Variants in ESCO1 observed in about 807,000 individuals in gnomAD.
ESCO1 encodes N-acetyltransferase ESCO1.
ESCO1 carries 33 observed loss-of-function variants against 83.5 expected under a neutral mutation model. The ratio of observed to expected loss-of-function variants is 0.40; its 90% CI spans 0.30 to 0.53. The LOEUF (loss-of-function observed/expected upper bound fraction) is 0.53. Ranked by LOEUF, ESCO1 falls within the 20% of genes least tolerant of loss-of-function variation. The probability of loss-of-function intolerance (pLI) is 0.63; values close to 1 mark genes in which losing one functional copy is unlikely to be tolerated. For missense variants in ESCO1, 855 were observed against 968.0 expected, an observed-to-expected ratio of 0.88 and a Z score of 1.55; for synonymous variants, 332 against 324.3, an observed-to-expected ratio of 1.02 and a Z score of -0.25.
chr18:21,538,875 G>A (rs1354458464), intron 9 of ESCO1, among the ~76,000 whole-genome samples: 2 of 151,984 alleles, frequency 1.3e-5, no homozygotes, highest in African/African-American at 4.8e-5. Context: ...AACATACTGA[G>A]TATATTATTT....
intron 2 of ESCO1, among the ~76,000 whole-genome samples, chr18:21,581,765 TA>T (rs1403872494): frequency 6.6e-6 from 1 of 152,064 alleles, no homozygotes; most frequent in African/African-American, 2.4e-5. Flanking sequence ...ACACCTGTAA[TA>T]ACAGCTACTT....
intron 8 of ESCO1, among the ~76,000 whole-genome samples, chr18:21,545,261 T>A (rs1814262272): frequency 6.6e-6 from 1 of 152,128 alleles, no homozygotes; most frequent in African/African-American, 2.4e-5. Flanking sequence ...ATGTTATAAG[T>A]CAGTAAAAAT....
At chr18:21,597,893 A>G (rs1047921896) in intron 1 of ESCO1, among the ~76,000 whole-genome samples, 4 of 152,178 alleles carry the variant, frequency 2.6e-5, no homozygotes, top group Admixed American at 6.6e-5. Context: ...ACAAGACATG[A>G]TGGCTGGGTT....
chr18:21,545,965 G>A (rs1292655546), intron 8 of ESCO1, among the ~76,000 whole-genome samples: 1 of 152,082 alleles, frequency 6.6e-6, no homozygotes, highest in African/African-American at 2.4e-5. Context: ...GTAAAGATGT[G>A]TGTCTAATCC....
intron 2 of ESCO1, among the ~76,000 whole-genome samples, chr18:21,576,862 G>T (rs998998379): frequency 2.0e-5 from 3 of 151,780 alleles, no homozygotes; most frequent in African/African-American, 7.3e-5. Flanking sequence ...ATGAAACCCC[G>T]TCTCTACTAA....
chr18:21,563,919 TA>T (rs11453582), intron 7 of ESCO1, among the ~76,000 whole-genome samples: 21,043 of 142,268 alleles, frequency 0.15, 1,706 homozygotes, highest in Middle Eastern at 0.25. Context: ...TGAGCAGGGT[TA>T]AAAAAAAAAA....
chr18:21,536,296 A>C (rs1316139786), intron 9 of ESCO1, 111 bp from the exon 10 acceptor site: 1 of 1,256,816 alleles, frequency 8.0e-7, no homozygotes, highest in African/African-American at 1.5e-5. Flanking sequence ...CATCCTCTAA[A>C]GAGTTCTTTT....
chr18:21,592,409 C>T (rs1568114966), intron 1 of ESCO1, among the ~76,000 whole-genome samples: 1 of 139,872 alleles, frequency 7.1e-6, no homozygotes, highest in South Asian at 2.3e-4. Context: ...CCAGATGGGG[C>T]GGCTGGCCGG....
chr18:21,552,308 C>T (rs1035771242), intron 8 of ESCO1, among the ~76,000 whole-genome samples: 5 of 152,144 alleles, frequency 3.3e-5, no homozygotes, highest in African/African-American at 1.2e-4. Flanking sequence ...ATTATAGTTT[C>T]CATAATCCCC....
chr18:21,545,874 G>A (rs2037967766), intron 8 of ESCO1, among the ~76,000 whole-genome samples: 1 of 152,284 alleles, frequency 6.6e-6, no homozygotes, highest in South Asian at 2.1e-4. Context: ...AGGCTGCAGT[G>A]AGCAGAGATC....
chr18:21,580,669 A>G (rs2038489478), intron 2 of ESCO1, among the ~76,000 whole-genome samples: 1 of 152,200 alleles, frequency 6.6e-6, no homozygotes, highest in Non-Finnish European at 1.5e-5. Context: ...AAGTATAAAT[A>G]AGTTAGTTTA....
In ESCO1 at chr18:21,573,369, G is replaced by A. The variant is rs767495676; in HGVS notation, c.1475C>T (p.Ser492Phe). The stretch of plus-strand genomic sequence containing the variant: ...CATCTGATTATCCAATGGTGGGTCA[G>A]AAGGTTTTATCTCATTGGCCAAATG... ...NCHLANEIKP[S>F]DPPLDNQMKH... The change falls in exon 4 of 12, where the codon TCT becomes TTT. Residue 492 changes from serine (S) to phenylalanine (F), a missense_variant. Physicochemically the swap from Ser to Phe is radical, Grantham distance 155. Coordinates refer to ENST00000269214, the MANE Select transcript of ESCO1 (RefSeq NM_052911.3). 1.3e-6 allele frequency: 2 copies of A among 1,599,002 alleles called. No homozygotes were observed. Among genetic ancestry groups the A allele is most frequent in the East Asian group, 2.2e-5 (1 of 44,796 alleles).
At position 21,540,015 on chromosome 18, in the gene ESCO1, T is replaced by TAG. The variant is rs58118596; in HGVS notation, c.1954-7_1954-6insCT. ...ATTCTTTCTTTCTTCCAGCCCTAGA[T>TAG]ATATATATATATATATACACACATA... On this transcript the variant is annotated splice_region_variant and splice_polypyrimidine_tract_variant and intron_variant, in intron 8 of 11. Transcript: ENST00000269214. 8.7e-5 allele frequency: 2 copies of TAG among 23,020 alleles called. No individual in the cohort carries two copies. Among genetic ancestry groups the TAG allele is most frequent in the African/African-American group, 1.2e-3 (2 of 1,674 alleles). 1.4% of individuals were successfully genotyped at this position (23,020 alleles called of 1,614,324 possible).
intron 8 of ESCO1, among the ~76,000 whole-genome samples, chr18:21,555,096 A>T (rs1435742994): frequency 6.6e-6 from 1 of 152,134 alleles, no homozygotes; most frequent in Non-Finnish European, 1.5e-5. Context: ...ACTTCGTCTC[A>T]AACTAACTAA....
intron 7 of ESCO1, 48 bp from the exon 8 acceptor site, chr18:21,561,038 T>C (rs2038179086): frequency 1.3e-6 from 2 of 1,545,648 alleles, no homozygotes; most frequent in Admixed American, 2.0e-5. Flanking sequence ...AAAAGAATTA[T>C]TTCAGAATAT....
At chr18:21,593,597 T>TAGGGAGGGGGAG (rs1555673432) in intron 1 of ESCO1, 7 of 44,078 alleles carry the variant, frequency 1.6e-4, no homozygotes, top group African/African-American at 4.2e-4. Flanking sequence ...AGGGAGACCG[T>TAGGGAGGGGGAG]AGGGAGAGGG....
chr18:21,594,784 C>T (rs1248987772), intron 1 of ESCO1, among the ~76,000 whole-genome samples: 1 of 151,958 alleles, frequency 6.6e-6, no homozygotes, highest in Non-Finnish European at 1.5e-5. Flanking sequence ...GTGATAACAA[C>T]AAACTTTCAA....
At chr18:21,547,843 C>T (rs577849125) in intron 8 of ESCO1, among the ~76,000 whole-genome samples, 6 of 152,246 alleles carry the variant, frequency 3.9e-5, no homozygotes, top group East Asian at 1.9e-4. Context: ...GTGGCTCACA[C>T]CTGTAATCCC....
At chr18:21,555,594 C>G (rs1037296322) in intron 8 of ESCO1, among the ~76,000 whole-genome samples, 7 of 151,208 alleles carry the variant, frequency 4.6e-5, no homozygotes, top group African/African-American at 1.7e-4. Context: ...GGCTTACACC[C>G]ATAAAGTCAG....
Sources: gnomAD v4.1 joint callset for allele counts (sites outside exome capture counted in the v4.1 genomes callset) on GRCh38, gnomAD v4.1.1 for gene constraint, MANE v1.5 for transcripts, NCBI Gene and HGNC (gene_info 2026-07-23, HGNC 2026-07-21) for gene names.